Variants in CHD2 observed in about 807,000 individuals in gnomAD.
CHD2 encodes ATP-dependent chromatin remodeler CHD2.
A neutral mutation model predicts 243.9 loss-of-function variants in CHD2; 28 were observed. The ratio of observed to expected loss-of-function variants is 0.11; its 90% CI spans 0.09 to 0.16. CHD2 has a LOEUF of 0.16. Among genes scored for constraint, CHD2 ranks in the 10% least tolerant of loss-of-function variants. CHD2 has a pLI of 1.00. For missense variants in CHD2, 1,386 were observed against 2,209.8 expected (o/e 0.63, Z 7.47); for synonymous variants, 775 against 779.0 (o/e 0.99, Z 0.09).
chr15:93,011,038 T>C (rs1416929024), intron 35 of CHD2, among the ~76,000 whole-genome samples: 4 of 152,180 alleles, frequency 2.6e-5, no homozygotes, highest in African/African-American at 9.6e-5. Flanking sequence ...CTTAACACTG[T>C]TACCAACTTC....
chr15:92,945,213 C>A (rs1321571798), intron 10 of CHD2: 2 of 152,130 alleles, frequency 1.3e-5, no homozygotes, highest in African/African-American at 4.8e-5. Flanking sequence ...TTGGCACTGG[C>A]AAAACGCATC....
rs773814385 is a variant in CHD2 at position 93,024,447 on chromosome 15, A to C, written c.5229A>C (p.Arg1743=). The part of the protein sequence containing the change: ...PQNYHQQDFR[R]MSDHRPAMGY... ...ATTACCACCAGCAGGATTTCCGACGAATGTCTGATCACCGCCCCGCTATGG... is the reference window on the plus strand; with the variant it reads ...ATTACCACCAGCAGGATTTCCGACGCATGTCTGATCACCGCCCCGCTATGG... Residue 1743 remains arginine, a synonymous_variant, in exon 39 of 39, where the codon CGA becomes CGC. Transcript: ENST00000394196. 2 of 1,614,162 alleles carry C rather than the reference A, an allele frequency of 1.2e-6. No individual in the cohort carries two copies. The highest frequency in any genetic ancestry group is 1.1e-5 in the South Asian group (1 of 91,068).
rs1481845094 is a variant in CHD2 at position 93,027,382 on chromosome 15, C to G, written c.*2677C>G. The G allele has an allele frequency of 6.6e-6, 1 of 152,206 alleles. No homozygotes were observed. The highest frequency in any genetic ancestry group is 2.4e-5 in the African/African-American group (1 of 41,436). 9.4% of individuals were successfully genotyped at this position (152,206 alleles called of 1,614,324 possible). A position where few individuals can be genotyped will look rare whatever the true frequency, so the allele number is the denominator to read the frequency against. On this transcript the variant is annotated 3_prime_UTR_variant, in exon 39 of 39. Transcript: ENST00000394196. ...CACGTGAACAAGGGTTGACATGATACACTATGGCCTTAGAAAAGGGCCAGG... is the reference window on the plus strand; with the variant it reads ...CACGTGAACAAGGGTTGACATGATAGACTATGGCCTTAGAAAAGGGCCAGG...
chr15:93,009,079 G>A, intron 34 of CHD2, 66 bp from the exon 35 acceptor site: 1 of 1,544,372 alleles, frequency 6.5e-7, no homozygotes, highest in Non-Finnish European at 8.8e-7. Flanking sequence ...CGAGAGCACA[G>A]TAAGCAAAGG....
chr15:92,984,805 C>G (rs1471154360), intron 25 of CHD2, among the ~76,000 whole-genome samples: 1 of 152,196 alleles, frequency 6.6e-6, no homozygotes, highest in African/African-American at 2.4e-5. Context: ...CTGTTAATTG[C>G]CACTGCCTTC....
intron 35 of CHD2, among the ~76,000 whole-genome samples, chr15:93,009,813 G>A (rs1253538451): frequency 1.3e-5 from 2 of 152,222 alleles, no homozygotes; most frequent in Non-Finnish European, 2.9e-5. Context: ...TTTGGATTAA[G>A]TTAATCTAGA....
At chr15:92,975,091 TA>T in intron 20 of CHD2, 141 bp downstream of exon 20, 2 of 646,786 alleles carry the variant, frequency 3.1e-6, no homozygotes, top group Non-Finnish European at 5.3e-6. Context: ...AAATCTCTCA[TA>T]TAAAAGATGG....
intron 12 of CHD2, chr15:92,947,725 C>T (rs1184037371): frequency 6.6e-6 from 1 of 152,228 alleles, no homozygotes; most frequent in Non-Finnish European, 1.5e-5. Context: ...GATGGGAGAA[C>T]AGTTATGGGG....
In CHD2 at chr15:92,980,798, A is replaced by G. The variant is rs764609850; in HGVS notation, c.2877-17A>G. 15 of 1,588,278 alleles carry G rather than the reference A, an allele frequency of 9.4e-6. No individual in the cohort carries two copies. In the Admixed American group the frequency reaches 2.0e-4, roughly 21 times the overall value. On this transcript the variant is annotated splice_polypyrimidine_tract_variant and intron_variant, in intron 22 of 38. Transcript: ENST00000394196. ...AGGTTATTTGATGTTTCTAACAACT[A>G]CATTTTACTTCCACAGCTCAAATCC...
At chr15:93,005,756 A>G (rs189524305) in intron 34 of CHD2, among the ~76,000 whole-genome samples, 3 of 152,304 alleles carry the variant, frequency 2.0e-5, no homozygotes, top group East Asian at 3.9e-4. Context: ...TGTTTTATAT[A>G]AAGGTCATTT....
intron 15 of CHD2, 71 bp from the exon 16 acceptor site, chr15:92,956,388 A>G: frequency 1.9e-6 from 2 of 1,071,984 alleles, no homozygotes; most frequent in Non-Finnish European, 2.8e-6. Context: ...ATACAGAGAT[A>G]ATTAACACTT....
At position 93,024,776 on chromosome 15, in the gene CHD2, C is replaced by G; in HGVS notation, c.*71C>G. 7.6e-7 allele frequency: 1 copy of G among 1,320,654 alleles called. No individual in the cohort carries two copies. The highest frequency in any genetic ancestry group is 1.5e-5 in the African/African-American group (1 of 67,792). 81.8% of individuals were successfully genotyped at this position (1,320,654 alleles called of 1,614,324 possible). Reference sequence around the variant, plus strand: ...TATTTTTGGTCTGATCCTACAGTAGCCGGTTATCTAGACCAGTAAGTGGAG... The same window carrying G: ...TATTTTTGGTCTGATCCTACAGTAGGCGGTTATCTAGACCAGTAAGTGGAG... On this transcript the variant is annotated 3_prime_UTR_variant, in exon 39 of 39. Transcript: ENST00000394196.
intron 16 of CHD2, among the ~76,000 whole-genome samples, chr15:92,961,217 T>C (rs2053683326): frequency 6.6e-6 from 1 of 152,224 alleles, no homozygotes; most frequent in Non-Finnish European, 1.5e-5. Context: ...TGTAGCCATG[T>C]CAACCTTCAC....
At chr15:92,918,758 ATAT>A (rs1303896642) in intron 2 of CHD2, among the ~76,000 whole-genome samples, 4 of 151,838 alleles carry the variant, frequency 2.6e-5, no homozygotes, top group African/African-American at 9.7e-5. Flanking sequence ...TAAGGGAATA[ATAT>A]GAATATATAT....
chr15:93,000,581 G>A lies in CHD2; in HGVS notation c.4078G>A (p.Gly1360Arg), dbSNP rs146655995. Residue 1360 changes from glycine to arginine, a missense_variant, in exon 32 of 39, where the codon GGA (glycine) becomes AGA (arginine). Physicochemically the swap from Gly to Arg is moderately radical, Grantham distance 125. Around this residue, in one of 19 missense-constraint regions of CHD2, gnomAD observed 125 missense variants for 128.9 expected, o/e 0.97. Transcript: ENST00000394196. Reference sequence around the variant, plus strand: ...AGTGCCCAGGCTGAAAGAGGAGCATGGAATTGAGCTTTCATCTCCTAGGCA... The same window carrying A: ...AGTGCCCAGGCTGAAAGAGGAGCATAGAATTGAGCTTTCATCTCCTAGGCA... ...NKVPRLKEEH[G>R]IELSSPRHSD... 4.6e-5 allele frequency: 75 copies of A among 1,613,778 alleles called. No individual in the cohort carries two copies. In the African/African-American group the frequency reaches 8.1e-4, roughly 17 times the overall value.
Position 92,992,941 on chromosome 15 carries a change from A to G in CHD2, c.3538A>G (p.Ser1180Gly), listed in dbSNP as rs759269259. The change falls in exon 28 of 39, where the codon AGC becomes GGC. Residue 1180 changes from serine (S) to glycine (G), a missense_variant. Physicochemically the swap from Ser to Gly is moderately conservative, Grantham distance 56. Around this residue, in one of 19 missense-constraint regions of CHD2, gnomAD observed 99 missense variants for 176.9 expected, o/e 0.56. Transcript: ENST00000394196. ...GCGCCTGGGTGAACTGATCCACAAC[A>G]GCTGTGTGTCAGCAATGCAGGAATA... ...LKRLGELIHNSCVSAMQEYEE... is the reference protein window; with the variant it reads ...LKRLGELIHNGCVSAMQEYEE... The G allele has an allele frequency of 1.1e-5, 17 of 1,614,034 alleles. No homozygotes were observed. The highest frequency in any genetic ancestry group is 1.4e-5 in the Non-Finnish European group (17 of 1,180,038).
rs1255717695 is a variant in CHD2, at chr15:92,924,368, C to G, written c.110C>G (p.Ser37Trp). ...TCGGGTTCAGACTCAGGCAGTCAGT[C>G]GGAAAGTGAGCAGGGAAGTGATCCA... ...EASGSDSGSQ[S>W]ESEQGSDPGS... Residue 37 changes from serine (S) to tryptophan (W), a missense_variant, in exon 3 of 39, where the codon TCG becomes TGG. By Grantham distance (177) the Ser-to-Trp change is radical. This residue lies in a region of CHD2 where 89 missense variants were observed against 102.4 expected (regional missense o/e 0.87). Coordinates refer to ENST00000394196, the MANE Select transcript of CHD2 (RefSeq NM_001271.4). 6.2e-7 allele frequency: 1 copy of G among 1,613,900 alleles called. No individual in the cohort carries two copies. Among genetic ancestry groups the G allele is most frequent in the Non-Finnish European group, 8.5e-7 (1 of 1,179,968 alleles).
chr15:92,955,364 T>C, intron 14 of CHD2, 59 bp from the exon 15 acceptor site: 1 of 1,018,514 alleles, frequency 9.8e-7, no homozygotes, highest in South Asian at 1.7e-5. Flanking sequence ...TCACAAAACT[T>C]ATGTGATATA....
At chr15:92,972,470 C>A (rs1189290334) in intron 19 of CHD2, 53 bp downstream of exon 19, 2 of 1,476,512 alleles carry the variant, frequency 1.4e-6, no homozygotes, top group African/African-American at 1.4e-5. Context: ...CTCTCCGCCT[C>A]CCCTCCCCAA....
Sources: allele counts gnomAD v4.1 joint callset (sites outside exome capture counted in the v4.1 genomes callset), GRCh38; gene constraint gnomAD v4.1.1; regional missense constraint gnomAD v4.1.1; transcripts MANE v1.5; gene names NCBI Gene and HGNC (gene_info 2026-07-23, HGNC 2026-07-21).